The following SLC8A1 variants were observed in gnomAD, a reference collection of about 807,000 sequenced individuals.
SLC8A1 encodes solute carrier family 8 member A1.
In SLC8A1, 18 loss-of-function variants were observed where a neutral mutation model predicts 68.3. The observed-to-expected ratio is 0.26, with a 90% CI of 0.18 to 0.39. The LOEUF is 0.39. SLC8A1 is among the 10% of genes least tolerant of loss of function. The probability of loss-of-function intolerance (pLI) is 1.00; values close to 1 mark genes in which losing one functional copy is unlikely to be tolerated. For synonymous variants in SLC8A1, 475 were observed against 415.5 expected (o/e 1.14, Z -1.74); for missense variants, 985 against 1,156.7 (o/e 0.85, Z 2.15).
At chr2:40,429,224 C>G in exon 2 of SLC8A1, 1 of 1,613,890 alleles carries the variant, frequency 6.2e-7, no homozygotes, top group Non-Finnish European at 8.5e-7. Flanking sequence ...TGACTTAGGA[C>G]TTGGTAGTTA....
At chr2:40,439,071 C>T (rs956248207) in intron 1 of SLC8A1, among the ~76,000 whole-genome samples, 1 of 152,014 alleles carries the variant, frequency 6.6e-6, no homozygotes, top group South Asian at 2.1e-4. Context: ...AAATATGAAG[C>T]CCCGTAGTGA....
At chr2:40,235,474 T>A (rs989991959) in intron 2 of SLC8A1, among the ~76,000 whole-genome samples, 4 of 152,196 alleles carry the variant, frequency 2.6e-5, no homozygotes, top group Non-Finnish European at 5.9e-5. Context: ...ATTGCGTCTA[T>A]TTGAGTCTTC....
chr2:40,404,935 G>A (rs557118260), intron 2 of SLC8A1, among the ~76,000 whole-genome samples: 2 of 152,092 alleles, frequency 1.3e-5, no homozygotes, highest in African/African-American at 4.8e-5. Flanking sequence ...GAAAGCTTGT[G>A]GGTAATAGCA....
chr2:40,160,965 A>T, intron 5 of SLC8A1, 101 bp from the exon 9 acceptor site: 1 of 772,388 alleles, frequency 1.3e-6, no homozygotes, highest in Admixed American at 2.3e-5. Context: ...TATAAAGGGT[A>T]GCAGATGTTA....
chr2:40,174,557 A>T, intron 4 of SLC8A1, 149 bp downstream of exon 6: 1 of 770,396 alleles, frequency 1.3e-6, no homozygotes, highest in Non-Finnish European at 2.1e-6. Context: ...ACACATTATT[A>T]ATTTGTAAAA....
chr2:40,350,986 T>C (rs900360462), intron 2 of SLC8A1, among the ~76,000 whole-genome samples: 1 of 152,170 alleles, frequency 6.6e-6, no homozygotes, highest in Non-Finnish European at 1.5e-5. Context: ...GGCAGCTCTG[T>C]CTAAACTTCA....
chr2:40,150,729 G>T (rs564737863), intron 6 of SLC8A1, among the ~76,000 whole-genome samples: 2 of 152,170 alleles, frequency 1.3e-5, no homozygotes, highest in South Asian at 4.1e-4. Context: ...GAGAAGAACA[G>T]ACCAATGAGC....
At chr2:40,388,841 G>C (rs769373831) in intron 2 of SLC8A1, among the ~76,000 whole-genome samples, 1 of 151,986 alleles carries the variant, frequency 6.6e-6, no homozygotes, top group Non-Finnish European at 1.5e-5. Flanking sequence ...CCCAAATAAC[G>C]GGTGTGTTAG....
exon 8 of SLC8A1, chr2:40,112,748 A>G (rs1234260684): frequency 6.6e-6 from 1 of 152,658 alleles, no homozygotes; most frequent in Non-Finnish European, 1.5e-5. Flanking sequence ...TTGCCAACAA[A>G]GATAAAAGAT....
In SLC8A1 at chr2:40,304,095, G is replaced by C. The variant is rs531457294; in HGVS notation, c.1808+124378C>G. Among the ~76,000 whole-genome samples the C allele has an allele frequency of 7.2e-5, 11 of 152,298 alleles. No homozygotes were observed. The South Asian group carries it at 2.3e-3, about 32-fold the overall frequency. ...GCAAAATAACAGATGCACAATATTT[G>C]AGTCCTTTAGTATATCTCATAAACT... On this transcript the variant is annotated intron_variant, in intron 2 of 7. Coordinates refer to ENST00000406785, the Ensembl canonical transcript of SLC8A1.
chr2:40,269,997 A>T (rs780154953), intron 2 of SLC8A1, among the ~76,000 whole-genome samples: 14 of 152,112 alleles, frequency 9.2e-5, no homozygotes, highest in Non-Finnish European at 4.4e-5. Flanking sequence ...TAGCTCCTTA[A>T]TTAAGATAAT....
intron 2 of SLC8A1, among the ~76,000 whole-genome samples, chr2:40,271,873 TA>T (rs1264483033): frequency 6.5e-4 from 99 of 152,232 alleles, no homozygotes; most frequent in African/African-American, 2.3e-3. Context: ...TTTATTTATT[TA>T]TTTTTTTTTA....
chr2:40,200,553 C>T (rs991624061), intron 2 of SLC8A1, among the ~76,000 whole-genome samples: 4 of 151,200 alleles, frequency 2.6e-5, no homozygotes, highest in African/African-American at 9.7e-5. Context: ...GAAGCTTAGT[C>T]CCTCTTAGCC....
At chr2:40,354,853 T>C (rs902767416) in intron 2 of SLC8A1, among the ~76,000 whole-genome samples, 4 of 152,162 alleles carry the variant, frequency 2.6e-5, no homozygotes, top group African/African-American at 9.7e-5. Context: ...TACAAATGTG[T>C]AATAATAAGG....
intron 1 of SLC8A1, among the ~76,000 whole-genome samples, chr2:40,505,589 A>T (rs567525846): frequency 6.6e-6 from 1 of 152,154 alleles, no homozygotes; most frequent in East Asian, 1.9e-4. Flanking sequence ...AAATGTGTGC[A>T]TGCATACACA....
intron 2 of SLC8A1, among the ~76,000 whole-genome samples, chr2:40,312,541 T>C (rs1559196627): frequency 1.3e-5 from 2 of 151,822 alleles, no homozygotes; most frequent in South Asian, 2.1e-4. Context: ...AGTACAAGTA[T>C]AAATATAAAT....
intron 2 of SLC8A1, among the ~76,000 whole-genome samples, chr2:40,254,064 G>C (rs2063460711): frequency 6.6e-6 from 1 of 152,104 alleles, no homozygotes; most frequent in African/African-American, 2.4e-5. Context: ...GTTTGTTTGA[G>C]ATGACGGATA....
At chr2:40,107,444 C>G (rs1463551174) in exon 8 of SLC8A1, 2 of 151,662 alleles carry the variant, frequency 1.3e-5, no homozygotes, top group Non-Finnish European at 1.5e-5. Context: ...CAACACTTTC[C>G]CAAAAGGCAG....
At chr2:40,170,311 G>A in intron 4 of SLC8A1, 6 of 1,614,096 alleles carry the variant, frequency 3.7e-6, no homozygotes, top group Non-Finnish European at 5.1e-6. Flanking sequence ...GAGAGAATCG[G>A]ATGTTCTCTA....
Sources: gnomAD v4.1 joint callset for allele counts (sites outside exome capture counted in the v4.1 genomes callset) on GRCh38, gnomAD v4.1.1 for gene constraint, MANE v1.5 for transcripts, NCBI Gene and HGNC (gene_info 2026-07-23, HGNC 2026-07-21) for gene names.